Variants in NPLOC4 observed in about 807,000 individuals in gnomAD.
NPLOC4 encodes the protein NPL4 homolog, ubiquitin recognition factor, also known as nuclear protein localization protein 4 homolog.
In NPLOC4, 18 loss-of-function variants were observed where a neutral mutation model predicts 80.6. The ratio of observed to expected loss-of-function variants is 0.22; its 90% CI spans 0.15 to 0.33. NPLOC4 has a LOEUF of 0.33. NPLOC4 is among the 10% of genes least tolerant of loss of function. NPLOC4 has a pLI of 1.00. For synonymous variants in NPLOC4, 313 were observed against 301.5 expected (o/e 1.04, Z -0.39); for missense variants, 540 against 786.1 (o/e 0.69, Z 3.74).
chr17:81,627,084 C>T (rs1598689684), intron 2 of NPLOC4, among the ~76,000 whole-genome samples: 1 of 146,072 alleles, frequency 6.8e-6, no homozygotes, highest in Admixed American at 7.0e-5. Flanking sequence ...AATGAGACTT[C>T]GTCTCAAAAA....
At chr17:81,626,968 TAGTCCC>T (rs1232686703) in intron 2 of NPLOC4, among the ~76,000 whole-genome samples, 1 of 151,782 alleles carries the variant, frequency 6.6e-6, no homozygotes, top group Non-Finnish European at 1.5e-5. Context: ...TGCGAGCCTG[TAGTCCC>T]AGCTACTCGG....
At chr17:81,574,407 T>A (rs1165655980) in intron 12 of NPLOC4, among the ~76,000 whole-genome samples, 2 of 152,042 alleles carry the variant, frequency 1.3e-5, no homozygotes, top group Admixed American at 6.5e-5. Flanking sequence ...CACTTCTACC[T>A]CTCCCCCAAG....
chr17:81,587,630 T>TAA (rs57639613), intron 12 of NPLOC4, among the ~76,000 whole-genome samples: 20 of 102,160 alleles, frequency 2.0e-4, no homozygotes, highest in African/African-American at 5.0e-4. Flanking sequence ...CCTGTCTCTT[T>TAA]AAAAAAAAAA....
At chr17:81,597,357 T>TA (rs1246803464) in intron 9 of NPLOC4, 41 bp from the exon 10 acceptor site, 1 of 1,513,552 alleles carries the variant, frequency 6.6e-7, no homozygotes, top group South Asian at 1.1e-5. Flanking sequence ...CTCCTCAAGA[T>TA]AGACGATGAA....
At position 81,637,067 on chromosome 17, in the gene NPLOC4, C is replaced by A. The variant is rs760933447; in HGVS notation, c.-137G>T. On this transcript the variant is annotated 5_prime_UTR_variant, in exon 1 of 17. Coordinates refer to ENST00000331134, the MANE Select transcript of NPLOC4 (RefSeq NM_017921.4). ...CCGCCACCGCCGCTCCAGCTTCGCC[C>A]GCCCGGCTCCGCCAGCCGCCGACGT... 7.3e-6 allele frequency: 3 copies of A among 411,716 alleles called. No individual in the cohort carries two copies. Among genetic ancestry groups the A allele is most frequent in the Non-Finnish European group, 1.2e-5 (3 of 259,098 alleles). 25.5% of individuals were successfully genotyped at this position (411,716 alleles called of 1,614,324 possible). A position where few individuals can be genotyped will look rare whatever the true frequency, so the allele number is the denominator to read the frequency against.
intron 12 of NPLOC4, among the ~76,000 whole-genome samples, chr17:81,583,345 C>A (rs2034493424): frequency 6.6e-6 from 1 of 152,206 alleles, no homozygotes; most frequent in Admixed American, 6.5e-5. Context: ...TCAATAAATG[C>A]ACTCATTTAT....
chr17:81,631,436 A>ATT (rs70938164), intron 1 of NPLOC4, among the ~76,000 whole-genome samples: 96 of 117,000 alleles, frequency 8.2e-4, no homozygotes, highest in Non-Finnish European at 1.3e-3. Context: ...ATATATATAT[A>ATT]TTTTTTTTTT....
At chr17:81,629,352 C>T (rs1283719569) in intron 2 of NPLOC4, among the ~76,000 whole-genome samples, 3 of 151,944 alleles carry the variant, frequency 2.0e-5, no homozygotes, top group African/African-American at 7.3e-5. Context: ...CCACCACGCC[C>T]GACTAATTTT....
chr17:81,596,339 G>A (rs920259672), intron 10 of NPLOC4, 97 bp from the exon 11 acceptor site: 3 of 1,361,026 alleles, frequency 2.2e-6, no homozygotes, highest in African/African-American at 1.4e-5. Flanking sequence ...CAGGAGCAGT[G>A]ACTCACACCT....
At chr17:81,579,487 T>A (rs1432718890) in intron 12 of NPLOC4, among the ~76,000 whole-genome samples, 1 of 152,094 alleles carries the variant, frequency 6.6e-6, no homozygotes, top group Non-Finnish European at 1.5e-5. Flanking sequence ...CACAAGTTCC[T>A]GGTCTAAAAG....
intron 11 of NPLOC4, among the ~76,000 whole-genome samples, chr17:81,591,949 GTGGGGTAA>G (rs1454218344): frequency 6.6e-6 from 1 of 152,192 alleles, no homozygotes; most frequent in Non-Finnish European, 1.5e-5. Flanking sequence ...AGCCCAGTGT[GTGGGGTAA>G]GTTCTACACT....
intron 2 of NPLOC4, among the ~76,000 whole-genome samples, chr17:81,628,430 T>G: frequency 6.7e-6 from 1 of 148,920 alleles, no homozygotes; most frequent in Non-Finnish European, 1.5e-5. Flanking sequence ...AGAGGATTGC[T>G]TGAACCCAGG....
chr17:81,595,532 A>AT (rs201591319), intron 11 of NPLOC4, among the ~76,000 whole-genome samples: 5,998 of 117,658 alleles, frequency 0.051, 170 homozygotes, highest in African/African-American at 0.094. Flanking sequence ...ATATATATAT[A>AT]TATTTTTTTT....
At chr17:81,599,117 C>T (rs2034998045) in intron 9 of NPLOC4, among the ~76,000 whole-genome samples, 1 of 152,036 alleles carries the variant, frequency 6.6e-6, no homozygotes, top group African/African-American at 2.4e-5. Context: ...GGTGAAACAT[C>T]GTCTCTATTA....
chr17:81,575,140 C>T (rs368009274), intron 12 of NPLOC4, among the ~76,000 whole-genome samples: 6 of 152,278 alleles, frequency 3.9e-5, no homozygotes, highest in South Asian at 2.1e-4. Flanking sequence ...CGCTCTGTCG[C>T]CCAGGCTGGA....
At chr17:81,601,934 C>T (rs1434469755) in intron 8 of NPLOC4, among the ~76,000 whole-genome samples, 1 of 152,148 alleles carries the variant, frequency 6.6e-6, no homozygotes, top group Non-Finnish European at 1.5e-5. Context: ...CTGCAGGGCA[C>T]CCCAGCCTGC....
chr17:81,609,639 T>C lies in NPLOC4; in HGVS notation c.435+571A>G, dbSNP rs1166673698. Among the ~76,000 whole-genome samples the C allele has an allele frequency of 2.6e-5, 4 of 152,320 alleles. 1 individual carries two copies. The East Asian group carries it at 7.7e-4, about 29-fold the overall frequency. ...GTTTTTCTTTGTGTGCCAGTTATCT[T>C]TTCAAGATTAAAATGAATCTCTATT... is the stretch of plus-strand genomic sequence containing the variant. On this transcript the variant is annotated intron_variant, in intron 5 of 16. Coordinates refer to ENST00000331134, the MANE Select transcript of NPLOC4 (RefSeq NM_017921.4).
At chr17:81,578,233 C>T (rs115352395) in intron 12 of NPLOC4, among the ~76,000 whole-genome samples, 2,067 of 152,322 alleles carry the variant, frequency 0.014, 53 homozygotes, top group African/African-American at 0.047. Flanking sequence ...AGACTGGCCC[C>T]GCCGGGTGCA....
In NPLOC4 at chr17:81,559,348, T is replaced by A; in HGVS notation, c.1738A>T (p.Thr580Ser). 6.2e-7 allele frequency: 1 copy of A among 1,607,408 alleles called. No homozygotes were observed. Among genetic ancestry groups the A allele is most frequent in the Non-Finnish European group, 8.5e-7 (1 of 1,177,428 alleles). Residue 580 changes from threonine (T) to serine (S), a missense_variant, in exon 17 of 17, where the codon ACT becomes TCT. Transcript: ENST00000331134. ...GAVGGSTHTA[T>S]AAMWACQHCT... ...TGCTGACAGGCCCACATGGCTGCAG[T>A]GGCCGTGTGTGTGGAGCCCCCGACG...
Sources: allele counts gnomAD v4.1 joint callset (sites outside exome capture counted in the v4.1 genomes callset), GRCh38; gene constraint gnomAD v4.1.1; transcripts MANE v1.5; gene names NCBI Gene and HGNC (gene_info 2026-07-23, HGNC 2026-07-21).